Variants in ZFPM2 observed in about 807,000 individuals in gnomAD.
ZFPM2 encodes the protein zinc finger protein ZFPM2.
In ZFPM2, 20 loss-of-function variants were observed where a neutral mutation model predicts 98.6. The ratio of observed to expected loss-of-function variants is 0.20; its 90% CI spans 0.14 to 0.29. The LOEUF (loss-of-function observed/expected upper bound fraction) is 0.29. ZFPM2 is among the 10% of genes least tolerant of loss of function. The probability of loss-of-function intolerance (pLI) is 1.00; values close to 1 mark genes in which losing one functional copy is unlikely to be tolerated. For missense variants in ZFPM2, 1,310 were observed against 1,388.6 expected (o/e 0.94, Z 0.90); for synonymous variants, 518 against 502.7 (o/e 1.03, Z -0.41).
At chr8:105,515,325 G>A (rs1431249077) in intron 3 of ZFPM2, among the ~76,000 whole-genome samples, 1 of 152,204 alleles carries the variant, frequency 6.6e-6, no homozygotes, top group Non-Finnish European at 1.5e-5. Context: ...AAGAGGACAA[G>A]AAGATAGGTA....
At chr8:105,531,444 C>T (rs1018394822) in intron 3 of ZFPM2, among the ~76,000 whole-genome samples, 1 of 152,122 alleles carries the variant, frequency 6.6e-6, no homozygotes, top group Non-Finnish European at 1.5e-5. Context: ...ATAGCATTCT[C>T]TGTGTGTCTT....
chr8:105,560,187 A>G (rs77355630), intron 3 of ZFPM2, among the ~76,000 whole-genome samples: 1 of 71,178 alleles, frequency 1.4e-5, no homozygotes, highest in Non-Finnish European at 2.4e-5. Flanking sequence ...AAAAAAAAAA[A>G]GAAAGAAAAT....
At chr8:105,721,415 A>T (rs1483526428) in intron 5 of ZFPM2, among the ~76,000 whole-genome samples, 1 of 152,000 alleles carries the variant, frequency 6.6e-6, no homozygotes, top group Admixed American at 6.6e-5. Context: ...TGATTCATGT[A>T]GCCTTCCATA....
intron 5 of ZFPM2, chr8:105,662,531 T>C (rs1224400417): frequency 6.6e-6 from 1 of 152,014 alleles, no homozygotes; most frequent in Non-Finnish European, 1.5e-5. Flanking sequence ...TTTTTTCTCC[T>C]TCTTTAGCAG....
At chr8:105,572,054 T>A (rs1270266515) in intron 4 of ZFPM2, among the ~76,000 whole-genome samples, 1 of 146,922 alleles carries the variant, frequency 6.8e-6, no homozygotes, top group African/African-American at 2.5e-5. Flanking sequence ...TTTTTTTTTT[T>A]TGAGACGGAG....
chr8:105,600,359 T>A (rs779880735), intron 4 of ZFPM2, among the ~76,000 whole-genome samples: 1 of 152,256 alleles, frequency 6.6e-6, no homozygotes, highest in South Asian at 2.1e-4. Context: ...GTCAAGTTTA[T>A]AAACCAAGAG....
rs1289641259 is a variant in ZFPM2, at chr8:105,803,614, TG to T, written c.*77del. 1.3e-5 allele frequency: 18 copies of T among 1,419,670 alleles called. No individual in the cohort carries two copies. Among genetic ancestry groups the T allele is most frequent in the Non-Finnish European group, 1.7e-5 (18 of 1,033,688 alleles). 87.9% of individuals were successfully genotyped at this position (1,419,670 alleles called of 1,614,324 possible). On this transcript the variant is annotated 3_prime_UTR_variant, in exon 8 of 8. Coordinates refer to ENST00000407775, the MANE Select transcript of ZFPM2 (RefSeq NM_012082.4). ...AACCAGTCCAGAAAAAAAAATAAGC[TG>T]TTTGAATTACATCTGGGCAATCAGG...
intron 3 of ZFPM2, among the ~76,000 whole-genome samples, chr8:105,492,367 C>CA (rs1813372299): frequency 6.6e-6 from 1 of 152,100 alleles, no homozygotes; most frequent in African/African-American, 2.4e-5. Context: ...TAATTGCTGC[C>CA]AAAATCCCAG....
intron 3 of ZFPM2, among the ~76,000 whole-genome samples, chr8:105,466,908 A>G (rs1168582413): frequency 1.3e-5 from 2 of 152,104 alleles, no homozygotes; most frequent in African/African-American, 4.8e-5. Flanking sequence ...CTATTCAGAT[A>G]AAACTAGTTT....
At chr8:105,491,997 T>C (rs1813365644) in intron 3 of ZFPM2, among the ~76,000 whole-genome samples, 2 of 152,162 alleles carry the variant, frequency 1.3e-5, no homozygotes, top group Non-Finnish European at 2.9e-5. Context: ...CAATTGCAAA[T>C]GTCCTTCATC....
chr8:105,440,494 G>A (rs1191622754), intron 2 of ZFPM2, among the ~76,000 whole-genome samples: 1 of 152,042 alleles, frequency 6.6e-6, no homozygotes, highest in African/African-American at 2.4e-5. Flanking sequence ...GAAGAAATGG[G>A]GTGTATCAGT....
chr8:105,761,065 C>T (rs1812725252), intron 5 of ZFPM2, among the ~76,000 whole-genome samples: 1 of 151,942 alleles, frequency 6.6e-6, no homozygotes, highest in South Asian at 2.1e-4. Context: ...ATCATCTTGA[C>T]AACTTAAAAA....
At chr8:105,405,472 T>C (rs1309611966) in intron 1 of ZFPM2, among the ~76,000 whole-genome samples, 1 of 139,988 alleles carries the variant, frequency 7.1e-6, no homozygotes, top group Non-Finnish European at 1.5e-5. Context: ...ATGTTCCCCT[T>C]CCTGTGTCCA....
chr8:105,657,203 A>G (rs1586178294), intron 5 of ZFPM2, among the ~76,000 whole-genome samples: 2 of 152,046 alleles, frequency 1.3e-5, no homozygotes, highest in South Asian at 4.1e-4. Context: ...CAATGACACA[A>G]TCTCAGCTCA....
chr8:105,356,126 T>A (rs1444238999), intron 1 of ZFPM2, among the ~76,000 whole-genome samples: 2 of 152,244 alleles, frequency 1.3e-5, no homozygotes, highest in African/African-American at 4.8e-5. Context: ...ACTTTCCACT[T>A]TCAGAATTCC....
At chr8:105,350,818 A>G (rs549958384) in intron 1 of ZFPM2, among the ~76,000 whole-genome samples, 93 of 152,284 alleles carry the variant, frequency 6.1e-4, no homozygotes, top group African/African-American at 2.1e-3. Flanking sequence ...TGAACTATAT[A>G]GTCCTCCTTC....
At chr8:105,366,254 A>G (rs1810506009) in intron 1 of ZFPM2, among the ~76,000 whole-genome samples, 1 of 152,150 alleles carries the variant, frequency 6.6e-6, no homozygotes, top group Non-Finnish European at 1.5e-5. Flanking sequence ...ATGATAGTGA[A>G]TTACCTCTCT....
intron 1 of ZFPM2, among the ~76,000 whole-genome samples, chr8:105,351,132 G>A (rs1418552224): frequency 1.4e-5 from 2 of 143,196 alleles, no homozygotes; most frequent in Non-Finnish European, 3.0e-5. Flanking sequence ...GCAGTGAGCC[G>A]AGATCACACG....
intron 4 of ZFPM2, among the ~76,000 whole-genome samples, chr8:105,602,554 G>C (rs1231051541): frequency 6.6e-6 from 1 of 152,000 alleles, no homozygotes; most frequent in East Asian, 1.9e-4. Context: ...AGATTCATTG[G>C]GTTTATGTTC....
Sources: gnomAD v4.1 joint callset for allele counts (sites outside exome capture counted in the v4.1 genomes callset) on GRCh38, gnomAD v4.1.1 for gene constraint, MANE v1.5 for transcripts, NCBI Gene and HGNC (gene_info 2026-07-23, HGNC 2026-07-21) for gene names.